The following SNX29 variants were observed in gnomAD, a reference collection of about 807,000 sequenced individuals.
SNX29 encodes sorting nexin-29.
In SNX29, 78 loss-of-function variants were observed where a neutral mutation model predicts 102.1. That is an observed-to-expected ratio of 0.76 (90% CI 0.64 to 0.92). The LOEUF is 0.92. SNX29 is among the 40% of genes least tolerant of loss of function. SNX29 has a pLI of 0.00. For synonymous variants in SNX29, 580 were observed against 414.5 expected (o/e 1.40, Z -4.85); for missense variants, 1,280 against 1,061.7 (o/e 1.21, Z -2.86).
chr16:12,548,418 C>T (rs562972496), intron 20 of SNX29, among the ~76,000 whole-genome samples: 1 of 152,314 alleles, frequency 6.6e-6, no homozygotes, highest in African/African-American at 2.4e-5. Flanking sequence ...ACCTCTGGCT[C>T]CCCACTGTGC....
intron 20 of SNX29, among the ~76,000 whole-genome samples, chr16:12,549,173 A>T (rs1489313827): frequency 6.6e-6 from 1 of 152,118 alleles, no homozygotes; most frequent in African/African-American, 2.4e-5. Flanking sequence ...CTGTTCATGG[A>T]GTGTCTGCAG....
chr16:12,437,986 G>A (rs1278817374), intron 18 of SNX29, among the ~76,000 whole-genome samples: 1 of 152,122 alleles, frequency 6.6e-6, no homozygotes, highest in Non-Finnish European at 1.5e-5. Flanking sequence ...CTCACCCCAT[G>A]TGGCACAGAT....
At chr16:12,254,657 A>T (rs1203115359) in intron 14 of SNX29, among the ~76,000 whole-genome samples, 4 of 151,052 alleles carry the variant, frequency 2.6e-5, no homozygotes, top group Non-Finnish European at 4.4e-5. Flanking sequence ...AAAAAAAAAA[A>T]GGTGAAGGAC....
At chr16:12,427,250 C>G (rs907692301) in intron 18 of SNX29, among the ~76,000 whole-genome samples, 1 of 151,922 alleles carries the variant, frequency 6.6e-6, no homozygotes, top group Non-Finnish European at 1.5e-5. Flanking sequence ...GTTCCCTCAT[C>G]TTCCAGGTTT....
chr16:12,105,203 T>TCCTCCCTCCCTC (rs55784743), intron 11 of SNX29, among the ~76,000 whole-genome samples: 12 of 143,098 alleles, frequency 8.4e-5, no homozygotes, highest in African/African-American at 1.8e-4. Flanking sequence ...CTTCCTCCCT[T>TCCTCCCTCCCTC]CCTCCCTCCC....
chr16:12,086,786 A>G (rs2052220811), intron 11 of SNX29: 1 of 152,156 alleles, frequency 6.6e-6, no homozygotes, highest in African/African-American at 2.4e-5. Flanking sequence ...TTTTTAAAAA[A>G]CTTAATTTGC....
intron 16 of SNX29, among the ~76,000 whole-genome samples, chr16:12,370,735 T>A (rs1178546118): frequency 6.6e-6 from 1 of 152,222 alleles, no homozygotes; most frequent in Non-Finnish European, 1.5e-5. Flanking sequence ...CAATGCTGTT[T>A]CGCTGTGTGT....
chr16:12,310,478 A>G (rs2080502547), intron 15 of SNX29, among the ~76,000 whole-genome samples: 1 of 152,212 alleles, frequency 6.6e-6, no homozygotes, highest in African/African-American at 2.4e-5. Flanking sequence ...TGGCACGCGT[A>G]ACAGCATGGA....
chr16:12,279,629 G>T (rs2079368350), intron 15 of SNX29, among the ~76,000 whole-genome samples: 1 of 152,220 alleles, frequency 6.6e-6, no homozygotes, highest in African/African-American at 2.4e-5. Context: ...GGGAAGCAGG[G>T]CCCCAATCTC....
intron 18 of SNX29, among the ~76,000 whole-genome samples, chr16:12,418,015 A>C (rs1391112707): frequency 6.6e-6 from 1 of 152,170 alleles, no homozygotes; most frequent in Non-Finnish European, 1.5e-5. Context: ...GCCGCAGGGC[A>C]CGTTTTTCTC....
intron 1 of SNX29, among the ~76,000 whole-genome samples, chr16:11,992,004 A>C (rs2055873139): frequency 6.6e-6 from 1 of 152,116 alleles, no homozygotes; most frequent in South Asian, 2.1e-4. Flanking sequence ...CCTTCTCATA[A>C]AAATATTGGG....
chr16:12,508,390 C>T (rs566988773), intron 19 of SNX29, among the ~76,000 whole-genome samples: 4 of 152,314 alleles, frequency 2.6e-5, no homozygotes, highest in South Asian at 2.1e-4. Context: ...AGCAGCGGGG[C>T]CGCAACAAGC....
chr16:12,520,414 A>T (rs576818222), intron 19 of SNX29, among the ~76,000 whole-genome samples: 1 of 152,288 alleles, frequency 6.6e-6, no homozygotes, highest in African/African-American at 2.4e-5. Context: ...CTGCTGCCTG[A>T]TGGAAGGCCC....
At position 12,570,812 on chromosome 16, in the gene SNX29, C is replaced by T. The variant is rs3826102; in HGVS notation, c.*2183C>T. ...CCCCCATTGCTGAGAGATACTAACC[C>T]GTGAGAAACAAGTATGCTCTCAGCT... On this transcript the variant is annotated 3_prime_UTR_variant, in exon 21 of 21. Transcript: ENST00000566228. The T allele has an allele frequency of 0.21, 47,926 of 232,092 alleles. 5,994 individuals carry two copies. The highest frequency in any genetic ancestry group is 0.43 in the East Asian group (7,126 of 16,426). 14.4% of individuals were successfully genotyped at this position (232,092 alleles called of 1,614,324 possible).
At chr16:12,398,607 C>T in intron 17 of SNX29, 106 bp downstream of exon 17, 1 of 1,296,020 alleles carries the variant, frequency 7.7e-7, no homozygotes, top group Non-Finnish European at 1.1e-6. Context: ...CTGTTGAGAC[C>T]CACACAAGGT....
chr16:12,019,539 T>A (rs1284700311), intron 3 of SNX29, among the ~76,000 whole-genome samples: 1 of 151,866 alleles, frequency 6.6e-6, no homozygotes, highest in Non-Finnish European at 1.5e-5. Context: ...AAGTGGCTCT[T>A]AATTTTTTTA....
chr16:12,177,514 A>G (rs983319892), intron 13 of SNX29, among the ~76,000 whole-genome samples: 1 of 152,050 alleles, frequency 6.6e-6, no homozygotes, highest in African/African-American at 2.4e-5. Context: ...TGAAAGTTAC[A>G]CCTATCATCT....
chr16:12,572,569 C>G lies in SNX29; in HGVS notation c.*3940C>G, dbSNP rs371851177. 7.3e-4 allele frequency: 772 copies of G among 1,064,106 alleles called. 6 individuals are homozygous for G. In the African/African-American group the frequency reaches 0.012, roughly 16 times the overall value. 65.9% of individuals were successfully genotyped at this position (1,064,106 alleles called of 1,614,324 possible). On this transcript the variant is annotated 3_prime_UTR_variant, in exon 21 of 21. Coordinates refer to ENST00000566228, the MANE Select transcript of SNX29 (RefSeq NM_032167.5). The stretch of plus-strand genomic sequence containing the variant: ...ACCATCTGGCTCCTCACAGGGAGGT[C>G]CAGCCATGTTCTCTGGGCTCCCAGT...
chr16:12,543,373 C>T (rs767733666), intron 20 of SNX29, among the ~76,000 whole-genome samples: 2 of 152,150 alleles, frequency 1.3e-5, no homozygotes, highest in Admixed American at 1.3e-4. Context: ...AGCTCATGGA[C>T]TGAACATGAT....
Sources: gnomAD v4.1 joint callset for allele counts (sites outside exome capture counted in the v4.1 genomes callset) on GRCh38, gnomAD v4.1.1 for gene constraint, MANE v1.5 for transcripts, NCBI Gene and HGNC (gene_info 2026-07-23, HGNC 2026-07-21) for gene names.